The following SPON1 variants were observed in gnomAD, a reference collection of about 807,000 sequenced individuals.
SPON1 encodes spondin-1.
SPON1 carries 52 observed loss-of-function variants against 111.7 expected under a neutral mutation model. That is an observed-to-expected ratio of 0.47 (90% CI 0.37 to 0.59). The LOEUF (loss-of-function observed/expected upper bound fraction) is 0.59. Ranked by LOEUF, SPON1 falls within the 20% of genes least tolerant of loss-of-function variation. The pLI, the probability that SPON1 is intolerant of heterozygous loss-of-function variation, is 0.00. For missense variants in SPON1, 957 were observed against 1,068.5 expected, an observed-to-expected ratio of 0.90 and a Z score of 1.46; for synonymous variants, 410 against 395.8, an observed-to-expected ratio of 1.04 and a Z score of -0.43.
intron 3 of SPON1, among the ~76,000 whole-genome samples, chr11:14,054,890 T>C (rs1848733587): frequency 6.6e-6 from 1 of 152,122 alleles, no homozygotes; most frequent in Non-Finnish European, 1.5e-5. Flanking sequence ...TGCAAATCGG[T>C]CTCAAAGTAT....
chr11:13,971,770 A>G (rs1272645562), intron 1 of SPON1, among the ~76,000 whole-genome samples: 2 of 151,956 alleles, frequency 1.3e-5, no homozygotes. Context: ...TATGGGACAC[A>G]CTCATTTAGT....
intron 5 of SPON1, among the ~76,000 whole-genome samples, chr11:14,082,176 G>C (rs1848967470): frequency 9.6e-6 from 1 of 104,440 alleles, no homozygotes; most frequent in Admixed American, 1.0e-4. Context: ...CCAGAATTTA[G>C]GGAGGAGGTG....
intron 6 of SPON1, among the ~76,000 whole-genome samples, chr11:14,156,571 T>C (rs1847849040): frequency 6.6e-6 from 1 of 151,776 alleles, no homozygotes; most frequent in Non-Finnish European, 1.5e-5. Context: ...TCCTTGCCCA[T>C]GCCTATCTCC....
chr11:14,058,387 C>A (rs569490428), intron 3 of SPON1, among the ~76,000 whole-genome samples: 17 of 152,130 alleles, frequency 1.1e-4, no homozygotes, highest in Admixed American at 9.2e-4. Context: ...CAGGCAGCAA[C>A]CTCATGGTGT....
chr11:14,168,135 C>T (rs11825126), intron 6 of SPON1, among the ~76,000 whole-genome samples: 26,168 of 152,098 alleles, frequency 0.17, 2,378 homozygotes, highest in Admixed American at 0.24. Context: ...GTAGGCATGG[C>T]TCTCCATATG....
intron 3 of SPON1, among the ~76,000 whole-genome samples, chr11:14,066,489 C>T (rs7108788): frequency 0.016 from 2,443 of 152,176 alleles, 62 homozygotes; most frequent in African/African-American, 0.055. Context: ...CTTCCACAAC[C>T]GGGACTACCT....
chr11:14,058,002 G>A lies in SPON1; in HGVS notation c.479+16348G>A, dbSNP rs1848760500. On this transcript the variant is annotated intron_variant, in intron 3 of 15. Coordinates refer to ENST00000576479, the MANE Select transcript of SPON1 (RefSeq NM_006108.4). ...ACTGCACTCCAGTCTGGGGGACAGAGTGAGACCCTGTCTCAAAAACAAAAA... is the reference window on the plus strand; with the variant it reads ...ACTGCACTCCAGTCTGGGGGACAGAATGAGACCCTGTCTCAAAAACAAAAA... Among the ~76,000 whole-genome samples the A allele has an allele frequency of 3.3e-5, 5 of 152,268 alleles. No homozygotes were observed. The South Asian group carries it at 1.0e-3, about 32-fold the overall frequency.
intron 5 of SPON1, among the ~76,000 whole-genome samples, chr11:14,108,016 G>A (rs1051800151): frequency 3.9e-5 from 6 of 152,100 alleles, no homozygotes; most frequent in African/African-American, 9.7e-5. Context: ...ATCTCATGAA[G>A]CAGTTTTAAA....
chr11:14,005,687 G>A (rs1848353667), intron 2 of SPON1, among the ~76,000 whole-genome samples: 1 of 151,652 alleles, frequency 6.6e-6, no homozygotes, highest in African/African-American at 2.4e-5. Flanking sequence ...AAGCTGTAAA[G>A]ATGATCATTA....
chr11:14,168,952 C>CA (rs1554932125), intron 6 of SPON1, among the ~76,000 whole-genome samples: 1 of 152,144 alleles, frequency 6.6e-6, no homozygotes, highest in Non-Finnish European at 1.5e-5. Flanking sequence ...AACAGTGCCA[C>CA]AAAAAACATA....
At chr11:14,199,093 A>G (rs1418732023) in intron 6 of SPON1, among the ~76,000 whole-genome samples, 1 of 152,148 alleles carries the variant, frequency 6.6e-6, no homozygotes, top group Non-Finnish European at 1.5e-5. Context: ...CAGAGTTACT[A>G]AGCACCTAAA....
Position 14,254,640 on chromosome 11 carries a change from C to T in SPON1, c.1003C>T (p.Leu335=), listed in dbSNP as rs1554940977. ...GAACGTAGGCTTATCTGCAGAAGAT[C>T]TGTGCACCAAGGAATGTGGCTGGGT... ...DWNVGLSAED[L]CTKECGWVQK... Residue 335 remains leucine (L), a synonymous_variant, in exon 8 of 16, where the codon CTG becomes TTG. Transcript: ENST00000576479. 1.2e-6 allele frequency: 2 copies of T among 1,613,936 alleles called. No individual in the cohort carries two copies. Among genetic ancestry groups the T allele is most frequent in the Admixed American group, 3.3e-5 (2 of 60,008 alleles).
chr11:14,142,705 A>G (rs1192613475), intron 6 of SPON1, among the ~76,000 whole-genome samples: 2 of 152,246 alleles, frequency 1.3e-5, no homozygotes, highest in Non-Finnish European at 2.9e-5. Flanking sequence ...GCCAAGGGGC[A>G]GAAATGTGGC....
intron 1 of SPON1, 76 bp from the exon 2 acceptor site, chr11:13,982,771 C>G (rs1848153947): frequency 1.0e-6 from 1 of 1,003,498 alleles, no homozygotes; most frequent in African/African-American, 1.6e-5. Flanking sequence ...CGATGGAGAA[C>G]TCAGGTCTAT....
At chr11:14,145,534 G>A (rs12289774) in intron 6 of SPON1, among the ~76,000 whole-genome samples, 61,574 of 151,862 alleles carry the variant, frequency 0.41, 12,648 homozygotes, top group East Asian at 0.56. Context: ...AAAATTATAC[G>A]TTTTCTTTTT....
intron 6 of SPON1, among the ~76,000 whole-genome samples, chr11:14,237,782 G>A (rs1554939338): frequency 6.6e-6 from 1 of 152,248 alleles, no homozygotes; most frequent in South Asian, 2.1e-4. Flanking sequence ...AACTTTCAGT[G>A]TTGTGAACAT....
intron 3 of SPON1, among the ~76,000 whole-genome samples, chr11:14,050,670 G>C (rs1000247789): frequency 4.6e-5 from 7 of 152,108 alleles, no homozygotes; most frequent in African/African-American, 1.2e-4. Flanking sequence ...AGTGAAGGGT[G>C]GGGGTGGTGA....
chr11:14,160,981 A>T (rs1357293906), intron 6 of SPON1, among the ~76,000 whole-genome samples: 2 of 81,306 alleles, frequency 2.5e-5, no homozygotes, highest in South Asian at 4.3e-4. Context: ...ATTTTTATAT[A>T]TTTATATATA....
intron 2 of SPON1, among the ~76,000 whole-genome samples, chr11:14,032,992 G>T (rs1212866876): frequency 6.6e-6 from 1 of 152,138 alleles, no homozygotes; most frequent in Non-Finnish European, 1.5e-5. Context: ...GGAAACTTTG[G>T]TCGTGGTGCC....
Sources: gnomAD v4.1 joint callset for allele counts (sites outside exome capture counted in the v4.1 genomes callset) on GRCh38, gnomAD v4.1.1 for gene constraint, MANE v1.5 for transcripts, NCBI Gene and HGNC (gene_info 2026-07-23, HGNC 2026-07-21) for gene names.